The following RAB25 variants were observed in gnomAD, a reference collection of about 807,000 sequenced individuals.
RAB25 encodes RAB25, member RAS oncogene family.
RAB25 carries 23 observed loss-of-function variants against 25.2 expected under a neutral mutation model. The observed-to-expected ratio is 0.91, with a 90% CI of 0.66 to 1.29. The LOEUF (loss-of-function observed/expected upper bound fraction) is 1.29, where lower values mean the gene tolerates loss of function less well. RAB25 is among the 50% of genes most tolerant of loss of function. The pLI is 0.00. For missense variants in RAB25, 244 were observed against 277.3 expected, an observed-to-expected ratio of 0.88 and a Z score of 0.85; for synonymous variants, 102 against 111.5, an observed-to-expected ratio of 0.91 and a Z score of 0.54.
chr1:156,067,244 A>AG (rs1647770803), intron 2 of RAB25, among the ~76,000 whole-genome samples: 1 of 151,640 alleles, frequency 6.6e-6, no homozygotes, highest in Non-Finnish European at 1.5e-5. Context: ...AAAAAAAAAA[A>AG]AAAGAAAAAG....
chr1:156,069,552 A>T, intron 3 of RAB25, 119 bp from the exon 4 acceptor site: 1 of 792,606 alleles, frequency 1.3e-6, no homozygotes, highest in Non-Finnish European at 2.1e-6. Flanking sequence ...TTTAAGGATT[A>T]AATGATCTGC....
intron 2 of RAB25, among the ~76,000 whole-genome samples, chr1:156,067,676 C>T (rs1197197879): frequency 1.3e-5 from 2 of 152,078 alleles, no homozygotes; most frequent in Admixed American, 6.5e-5. Flanking sequence ...AAAATCAGGA[C>T]GAGAACCTGA....
intron 1 of RAB25, among the ~76,000 whole-genome samples, chr1:156,063,606 C>T (rs964645658): frequency 2.6e-5 from 4 of 152,202 alleles, no homozygotes; most frequent in African/African-American, 9.6e-5. Context: ...TGGGTGTAGG[C>T]TGCCCAGAAA....
intron 3 of RAB25, 95 bp downstream of exon 3, chr1:156,068,558 A>C (rs970346266): frequency 2.3e-6 from 3 of 1,278,238 alleles, no homozygotes; most frequent in East Asian, 4.8e-5. Flanking sequence ...TAGAGCCCCT[A>C]GCCTGGCCTT....
At chr1:156,069,545 A>T in intron 3 of RAB25, 126 bp from the exon 4 acceptor site, 1 of 752,282 alleles carries the variant, frequency 1.3e-6, no homozygotes, top group Non-Finnish European at 2.3e-6. Context: ...AAGTTGTTTT[A>T]AGGATTAAAT....
chr1:156,061,659 G>T (rs191824355), intron 1 of RAB25, among the ~76,000 whole-genome samples: 6 of 152,158 alleles, frequency 3.9e-5, no homozygotes, highest in East Asian at 3.9e-4. Flanking sequence ...GGTAAATAAT[G>T]ATGTTGATTC....
intron 3 of RAB25, among the ~76,000 whole-genome samples, chr1:156,068,738 G>A (rs889583508): frequency 7.0e-6 from 1 of 142,566 alleles, no homozygotes; most frequent in African/African-American, 2.6e-5. Flanking sequence ...GCCTAGGCTA[G>A]AGTGCAGTGG....
Position 156,068,283 on chromosome 1 carries a change from G to A in RAB25, c.253G>A (p.Ala85Thr). 1.2e-6 allele frequency: 2 copies of A among 1,612,728 alleles called. No individual in the cohort carries two copies. Among genetic ancestry groups the A allele is most frequent in the South Asian group, 1.1e-5 (1 of 91,048 alleles). The part of the protein sequence containing the change: ...RAITSAYYRG[A>T]VGALLVFDLT... ...ATTCCCACCCAGGTACTATCGTGGTGCAGTGGGGGCCCTCCTGGTGTTTGA... is the reference window on the plus strand; with the variant it reads ...ATTCCCACCCAGGTACTATCGTGGTACAGTGGGGGCCCTCCTGGTGTTTGA... Residue 85 changes from alanine to threonine, a missense_variant, in exon 3 of 5, where the codon GCA (alanine) becomes ACA (threonine). Physicochemically the swap from Ala to Thr is moderately conservative, Grantham distance 58. Coordinates refer to ENST00000361084, the MANE Select transcript of RAB25 (RefSeq NM_020387.4).
rs1225490251 is a variant in RAB25, at chr1:156,065,960, A to G, written c.93A>G (p.Arg31=). 2 of 1,613,444 alleles carry G rather than the reference A, an allele frequency of 1.2e-6. No homozygotes were observed. Among genetic ancestry groups the G allele is most frequent in the South Asian group, 2.2e-5 (2 of 91,020 alleles). Residue 31 remains arginine (R), a synonymous_variant, in exon 2 of 5, where the codon CGA becomes CGG. Transcript: ENST00000361084. ...SGVGKTNLLS[R]FTRNEFSHDS... is the part of the protein sequence containing the mutation. ...TGGGGAAGACCAATCTACTCTCCCG[A>G]TTCACGCGCAATGAGTTCAGCCACG...
chr1:156,067,231 C>CAA (rs386368386), intron 2 of RAB25, among the ~76,000 whole-genome samples: 2,231 of 113,930 alleles, frequency 0.02, 35 homozygotes, highest in South Asian at 0.033. Context: ...GACTCTGTCT[C>CAA]AAAAAAAAAA....
intron 3 of RAB25, 41 bp from the exon 4 acceptor site, chr1:156,069,630 T>A: frequency 7.0e-7 from 1 of 1,436,154 alleles, no homozygotes; most frequent in Non-Finnish European, 9.8e-7. Context: ...TATTATTGCC[T>A]TTGACTCCCA....
intron 1 of RAB25, among the ~76,000 whole-genome samples, chr1:156,062,918 G>A (rs1181084867): frequency 6.6e-6 from 1 of 151,866 alleles, no homozygotes; most frequent in East Asian, 1.9e-4. Context: ...TCTGGGTGTG[G>A]TGGCACGTGC....
chr1:156,070,106 AG>A (rs927598437), intron 4 of RAB25, 53 bp from the exon 5 acceptor site: 1 of 1,613,698 alleles, frequency 6.2e-7, no homozygotes, highest in African/African-American at 1.3e-5. Context: ...GTTGGGGAGA[AG>A]GGAGCATGGG....
intron 2 of RAB25, among the ~76,000 whole-genome samples, chr1:156,067,598 G>A (rs771397701): frequency 1.3e-5 from 2 of 152,232 alleles, no homozygotes; most frequent in Non-Finnish European, 2.9e-5. Flanking sequence ...AAGGAGCCAT[G>A]TGAGGAAGAT....
At chr1:156,062,752 A>G (rs1456618212) in intron 1 of RAB25, among the ~76,000 whole-genome samples, 1 of 152,074 alleles carries the variant, frequency 6.6e-6, no homozygotes, top group Non-Finnish European at 1.5e-5. Context: ...CCTGCCACTT[A>G]CAAGTATTGC....
intron 1 of RAB25, among the ~76,000 whole-genome samples, chr1:156,063,137 ATGTT>A (rs901590485): frequency 8.0e-5 from 12 of 149,648 alleles, no homozygotes; most frequent in Admixed American, 1.3e-4. Flanking sequence ...GGGGTGTTCA[ATGTT>A]TGTTTGTTTT....
chr1:156,064,487 C>T (rs1427474837), intron 1 of RAB25, among the ~76,000 whole-genome samples: 3 of 151,036 alleles, frequency 2.0e-5, no homozygotes, highest in Admixed American at 6.6e-5. Flanking sequence ...AACACAAACT[C>T]GGCTCACTGC....
intron 1 of RAB25, among the ~76,000 whole-genome samples, chr1:156,062,483 C>G (rs928057609): frequency 6.6e-6 from 1 of 152,164 alleles, no homozygotes; most frequent in Non-Finnish European, 1.5e-5. Context: ...CAACCTCAGC[C>G]CGGCCCCTCC....
rs999852525 is a variant in RAB25, at chr1:156,061,302, C to T, written c.-99C>T. ...ACCCCCAATGAGAGGAGGGGCAGGA[C>T]CAGATCTTTTGAGAGCTGAGGGTTG... is the stretch of plus-strand genomic sequence containing the variant. On this transcript the variant is annotated 5_prime_UTR_variant, in exon 1 of 5. Coordinates refer to ENST00000361084, the MANE Select transcript of RAB25 (RefSeq NM_020387.4). 1.3e-5 allele frequency: 16 copies of T among 1,258,758 alleles called. No individual in the cohort carries two copies. Among genetic ancestry groups the T allele is most frequent in the Non-Finnish European group, 1.9e-5 (16 of 861,460 alleles). 78.0% of individuals were successfully genotyped at this position (1,258,758 alleles called of 1,614,324 possible).
Sources: allele counts gnomAD v4.1 joint callset (sites outside exome capture counted in the v4.1 genomes callset), GRCh38; gene constraint gnomAD v4.1.1; transcripts MANE v1.5; gene names NCBI Gene and HGNC (gene_info 2026-07-23, HGNC 2026-07-21).